COL13A1: variants seen among roughly 807,000 people sequenced by gnomAD.
COL13A1 encodes the protein collagen alpha-1(XIII) chain.
In COL13A1, 89 loss-of-function variants were observed where a neutral mutation model predicts 130.9. The ratio of observed to expected loss-of-function variants is 0.68; its 90% CI spans 0.57 to 0.81. The LOEUF is 0.81. Among genes scored for constraint, COL13A1 ranks in the 30% least tolerant of loss-of-function variants. The pLI, the probability that COL13A1 is intolerant of heterozygous loss-of-function variation, is 0.00. For synonymous variants in COL13A1, 402 were observed against 341.6 expected, an observed-to-expected ratio of 1.18 and a Z score of -1.95; for missense variants, 879 against 934.6, an observed-to-expected ratio of 0.94 and a Z score of 0.78.
At chr10:69,817,283 C>A (rs1026924288) in intron 1 of COL13A1, among the ~76,000 whole-genome samples, 4 of 151,880 alleles carry the variant, frequency 2.6e-5, no homozygotes, top group South Asian at 2.1e-4. Flanking sequence ...CTCGTGGAAG[C>A]ACAGATGGGG....
intron 7 of COL13A1, among the ~76,000 whole-genome samples, chr10:69,884,289 G>A (rs2060413422): frequency 6.6e-6 from 1 of 152,174 alleles, no homozygotes; most frequent in East Asian, 1.9e-4. Context: ...CGGCTATGGT[G>A]GGTGTATTTA....
At chr10:69,884,966 A>C (rs140057730) in intron 7 of COL13A1, among the ~76,000 whole-genome samples, 140 of 152,374 alleles carry the variant, frequency 9.2e-4, no homozygotes, top group African/African-American at 3.3e-3. Context: ...GGGACAACCA[A>C]TAAGCCAGTT....
chr10:69,922,862 G>C, intron 23 of COL13A1, 68 bp downstream of exon 23: 1 of 1,109,588 alleles, frequency 9.0e-7, no homozygotes, highest in East Asian at 2.9e-5. Flanking sequence ...GCCTGTTCTC[G>C]GGGACTCTAC....
Position 69,944,620 on chromosome 10 carries a change from C to G in COL13A1, c.1968+442C>G, listed in dbSNP as rs1425083297. On this transcript the variant is annotated intron_variant, in intron 36 of 40. Coordinates refer to ENST00000645393, the MANE Select transcript of COL13A1 (RefSeq NM_001368882.1). ...GCTGCAGTGAACCATTATTATATTA[C>G]TGCACTCCAGCCTAGGAGACAGAGC... Among the ~76,000 whole-genome samples, 47 of 148,246 alleles carry G rather than the reference C, an allele frequency of 3.2e-4. 2 individuals carry two copies. Among genetic ancestry groups the G allele is most frequent in the Admixed American group, 3.1e-3 (46 of 14,690 alleles).
At chr10:69,926,555 G>A (rs758718941) in intron 26 of COL13A1, among the ~76,000 whole-genome samples, 4 of 152,262 alleles carry the variant, frequency 2.6e-5, no homozygotes, top group Non-Finnish European at 5.9e-5. Context: ...CTTCAAAGGA[G>A]TCTGTGTCCG....
intron 14 of COL13A1, among the ~76,000 whole-genome samples, chr10:69,901,489 G>C (rs1192265315): frequency 2.6e-5 from 4 of 152,192 alleles, no homozygotes. Flanking sequence ...GGAAGCAGGA[G>C]ACCCCTCAGG....
At chr10:69,918,141 G>A in intron 18 of COL13A1, 144 bp from the exon 19 acceptor site, 1 of 624,890 alleles carries the variant, frequency 1.6e-6, no homozygotes, top group Non-Finnish European at 2.7e-6. Context: ...CCACCTCCCA[G>A]GTGGGGTTGG....
chr10:69,805,138 CA>C (rs1355440454), intron 1 of COL13A1, among the ~76,000 whole-genome samples: 3 of 152,068 alleles, frequency 2.0e-5, no homozygotes, highest in Non-Finnish European at 4.4e-5. Context: ...GAGAGACGGG[CA>C]GCCCAGGTCA....
At chr10:69,953,405 C>G (rs2069992582) in intron 39 of COL13A1, among the ~76,000 whole-genome samples, 1 of 152,166 alleles carries the variant, frequency 6.6e-6, no homozygotes, top group Admixed American at 6.5e-5. Flanking sequence ...TGCAGGACAC[C>G]AGAGTTAGCG....
chr10:69,896,373 C>T (rs892959461), intron 13 of COL13A1, among the ~76,000 whole-genome samples: 1 of 152,108 alleles, frequency 6.6e-6, no homozygotes, highest in African/African-American at 2.4e-5. Flanking sequence ...AGTAGGAGCC[C>T]CAGTGAGCTG....
At chr10:69,944,017 C>A in intron 35 of COL13A1, 108 bp from the exon 36 acceptor site, 1 of 889,202 alleles carries the variant, frequency 1.1e-6, no homozygotes, top group Non-Finnish European at 1.8e-6. Flanking sequence ...GCCTCGCCAA[C>A]TCTGAAAACT....
chr10:69,843,489 T>G (rs1214057098), intron 2 of COL13A1, among the ~76,000 whole-genome samples: 1 of 152,186 alleles, frequency 6.6e-6, no homozygotes, highest in Non-Finnish European at 1.5e-5. Flanking sequence ...TAAATAAAAT[T>G]TAAAATGCAA....
chr10:69,835,424 C>A (rs901725058), intron 2 of COL13A1, among the ~76,000 whole-genome samples: 2 of 152,078 alleles, frequency 1.3e-5, no homozygotes, highest in African/African-American at 4.8e-5. Flanking sequence ...CGATGACTAC[C>A]CCCACTCTTG....
At position 69,917,323 on chromosome 10, in the gene COL13A1, A is replaced by T. The variant is rs1282873858; in HGVS notation, c.956A>T (p.His319Leu). The T allele has an allele frequency of 3.7e-6, 6 of 1,613,388 alleles. No individual in the cohort carries two copies. In the African/African-American group the frequency reaches 8.0e-5, roughly 22 times the overall value. ...ERGMPGMPGK[H>L]GAKGAPGIAV... Reference sequence around the variant, plus strand: ...GGCATGCCAGGGATGCCAGGCAAGCATGGAGCCAAGGTACCTCCCCCTTCC... The same window carrying T: ...GGCATGCCAGGGATGCCAGGCAAGCTTGGAGCCAAGGTACCTCCCCCTTCC... The change falls in exon 18 of 41, where the codon CAT becomes CTT. Residue 319 changes from histidine to leucine, a missense_variant. Transcript: ENST00000645393.
intron 23 of COL13A1, among the ~76,000 whole-genome samples, chr10:69,923,520 G>A (rs1055943781): frequency 7.9e-5 from 12 of 152,224 alleles, no homozygotes; most frequent in African/African-American, 2.4e-4. Flanking sequence ...GCTGGGCTCT[G>A]TGTGGGCCTA....
At chr10:69,858,103 G>A (rs12246125) in intron 2 of COL13A1, among the ~76,000 whole-genome samples, 40,168 of 112,542 alleles carry the variant, frequency 0.36, 6,106 homozygotes, top group Middle Eastern at 0.41. Context: ...GTGACAGAGC[G>A]AGACTCCGTC....
rs547712221 is a variant in COL13A1 at position 69,811,564 on chromosome 10, A to G, written c.294+8847A>G. Among the ~76,000 whole-genome samples the G allele has an allele frequency of 2.4e-3, 365 of 152,286 alleles. 2 individuals are homozygous for G. The highest frequency in any genetic ancestry group is 8.5e-3 in the African/African-American group (354 of 41,572). On this transcript the variant is annotated intron_variant, in intron 1 of 40. Transcript: ENST00000645393. ...CTGGAGTTGGGGGAAGCTCTGTGAC[A>G]TGGGAGGTCAGAGGGTGCTCCGGAC...
chr10:69,945,577 A>T, intron 36 of COL13A1, 94 bp from the exon 37 acceptor site: 1 of 1,525,866 alleles, frequency 6.6e-7, no homozygotes, highest in Non-Finnish European at 8.9e-7. Flanking sequence ...AGGGGACTGG[A>T]GAGGTTTCCT....
chr10:69,824,194 A>G, intron 2 of COL13A1: 1 of 470,904 alleles, frequency 2.1e-6, no homozygotes, highest in Non-Finnish European at 4.4e-6. Flanking sequence ...ATTCCTCGAG[A>G]TAATCCTGGG....
Sources: allele counts gnomAD v4.1 joint callset (sites outside exome capture counted in the v4.1 genomes callset), GRCh38; gene constraint gnomAD v4.1.1; transcripts MANE v1.5; gene names NCBI Gene and HGNC (gene_info 2026-07-23, HGNC 2026-07-21).